MTX2: variants seen among roughly 807,000 people sequenced by gnomAD.
MTX2 encodes metaxin 2.
MTX2 carries 35 observed loss-of-function variants against 42.3 expected under a neutral mutation model. The observed-to-expected ratio is 0.83, with a 90% CI of 0.63 to 1.10. The LOEUF is 1.10. Ranked by LOEUF, MTX2 falls within the 50% of genes least tolerant of loss-of-function variation. The probability of loss-of-function intolerance (pLI) is 0.00; values close to 1 mark genes in which losing one functional copy is unlikely to be tolerated. For synonymous variants in MTX2, 119 were observed against 100.9 expected, an observed-to-expected ratio of 1.18 and a Z score of -1.08; for missense variants, 307 against 304.1, an observed-to-expected ratio of 1.01 and a Z score of -0.07.
intron 1 of MTX2, among the ~76,000 whole-genome samples, chr2:176,278,851 A>T (rs1693012031): frequency 6.6e-6 from 1 of 152,088 alleles, no homozygotes; most frequent in African/African-American, 2.4e-5. Flanking sequence ...AGTAAAAGGG[A>T]TGCATGCTTT....
chr2:176,328,738 C>T, intron 6 of MTX2, 136 bp from the exon 7 acceptor site: 1 of 686,006 alleles, frequency 1.5e-6, no homozygotes, highest in South Asian at 2.1e-5. Context: ...TTGTGGATAG[C>T]AGCTAAGAAA....
At chr2:176,306,519 C>T (rs567287850) in intron 3 of MTX2, among the ~76,000 whole-genome samples, 1 of 152,310 alleles carries the variant, frequency 6.6e-6, no homozygotes, top group African/African-American at 2.4e-5. Flanking sequence ...AATTTACACT[C>T]CCACCAACAG....
At chr2:176,312,045 G>C (rs988894126) in intron 3 of MTX2, among the ~76,000 whole-genome samples, 3 of 152,192 alleles carry the variant, frequency 2.0e-5, no homozygotes, top group Admixed American at 6.5e-5. Context: ...GTTGTGTGCA[G>C]ATCATTATTA....
At chr2:176,330,688 ATTTTCTGT>A (rs1445138174) in intron 9 of MTX2, 28 bp downstream of exon 9, 1 of 1,506,400 alleles carries the variant, frequency 6.6e-7, no homozygotes, top group Non-Finnish European at 9.2e-7. Flanking sequence ...TTTAAAGTTA[ATTTTCTGT>A]ACTGTTAGGT....
chr2:176,328,456 T>C (rs1558944358), intron 6 of MTX2, 71 bp downstream of exon 6: 42 of 987,334 alleles, frequency 4.3e-5, no homozygotes, highest in Non-Finnish European at 5.3e-5. Flanking sequence ...ATCTTTCTTA[T>C]GGGTTAAAGT....
intron 3 of MTX2, among the ~76,000 whole-genome samples, chr2:176,321,295 CTAT>C (rs1277076134): frequency 2.0e-5 from 3 of 152,112 alleles, no homozygotes; most frequent in Non-Finnish European, 4.4e-5. Flanking sequence ...AGGAAGCTCA[CTAT>C]TATTGCTATG....
At chr2:176,284,573 C>T (rs554631946) in intron 1 of MTX2, among the ~76,000 whole-genome samples, 1 of 152,250 alleles carries the variant, frequency 6.6e-6, no homozygotes, top group East Asian at 1.9e-4. Flanking sequence ...TATCATGTTA[C>T]CACTTTGATT....
chr2:176,297,394 C>T (rs953080593), intron 2 of MTX2, among the ~76,000 whole-genome samples: 1 of 152,178 alleles, frequency 6.6e-6, no homozygotes, highest in Non-Finnish European at 1.5e-5. Flanking sequence ...TAATAGGCAG[C>T]AGCCCTAGTC....
chr2:176,337,781 A>T lies in MTX2; in HGVS notation c.*117A>T, dbSNP rs1004039379. ...TTACTGCTTTTTGAAACCTCAAATT[A>T]TATAATGTATCTTATGTATGTGCTT... On this transcript the variant is annotated 3_prime_UTR_variant, in exon 10 of 10. Coordinates refer to ENST00000249442, the MANE Select transcript of MTX2 (RefSeq NM_006554.5). The T allele has an allele frequency of 5.8e-6, 5 of 869,550 alleles. No individual in the cohort carries two copies. The African/African-American group carries it at 8.6e-5, about 15-fold the overall frequency. The allele number at this position is 869,550 out of a possible 1,614,324, so 53.9% of individuals were successfully genotyped here.
intron 3 of MTX2, among the ~76,000 whole-genome samples, chr2:176,321,651 A>C (rs543538724): frequency 5.3e-5 from 8 of 152,224 alleles, no homozygotes; most frequent in African/African-American, 1.9e-4. Flanking sequence ...TCCTTTTTAC[A>C]TTCTAGTCAA....
At chr2:176,314,300 A>G (rs563784658) in intron 3 of MTX2, among the ~76,000 whole-genome samples, 1 of 152,102 alleles carries the variant, frequency 6.6e-6, no homozygotes, top group East Asian at 1.9e-4. Flanking sequence ...AGCTGGGTGT[A>G]GTAGTACACG....
At chr2:176,307,393 T>G (rs1427017771) in intron 3 of MTX2, among the ~76,000 whole-genome samples, 1 of 152,220 alleles carries the variant, frequency 6.6e-6, no homozygotes, top group Non-Finnish European at 1.5e-5. Flanking sequence ...CAATGCAGAC[T>G]CTTTTTTGGT....
At chr2:176,305,996 G>A (rs1361225917) in intron 3 of MTX2, among the ~76,000 whole-genome samples, 3 of 152,118 alleles carry the variant, frequency 2.0e-5, no homozygotes, top group Admixed American at 6.6e-5. Flanking sequence ...CATGTGCCAT[G>A]TTGGTTTGCT....
At chr2:176,269,719 G>A in intron 1 of MTX2, 50 bp downstream of exon 1, 1 of 1,558,374 alleles carries the variant, frequency 6.4e-7, no homozygotes, top group South Asian at 1.2e-5. Flanking sequence ...GTCTCGGGGA[G>A]CCGCGTGGGG....
rs530464274 is a variant in MTX2 at position 176,329,221 on chromosome 2, T to C, written c.418-80T>C. 8 of 1,451,022 alleles carry C rather than the reference T, an allele frequency of 5.5e-6. No homozygotes were observed. In the Admixed American group the frequency reaches 1.1e-4, roughly 20 times the overall value. The allele number at this position is 1,451,022 out of a possible 1,614,324, so 89.9% of individuals were successfully genotyped here. A position where few individuals can be genotyped will look rare whatever the true frequency, so the allele number is the denominator to read the frequency against. The stretch of plus-strand genomic sequence containing the variant: ...TCTATTTATGTTCTCTGAAAATATA[T>C]TTCTTTTAGAATTCTATTTGTAAAA... On this transcript the variant is annotated intron_variant, in intron 7 of 9. Coordinates refer to ENST00000249442, the MANE Select transcript of MTX2 (RefSeq NM_006554.5).
intron 1 of MTX2, among the ~76,000 whole-genome samples, chr2:176,294,526 C>T (rs191776217): frequency 2.0e-5 from 3 of 152,290 alleles, no homozygotes; most frequent in East Asian, 1.9e-4. Context: ...CCACCCGCCT[C>T]GGCCTCCCAA....
intron 1 of MTX2, among the ~76,000 whole-genome samples, chr2:176,289,019 T>C (rs528961008): frequency 4.6e-5 from 7 of 152,080 alleles, no homozygotes; most frequent in Non-Finnish European, 1.0e-4. Context: ...ACAAGTAATA[T>C]ATAAAGTCTT....
In MTX2 at chr2:176,325,849, A is replaced by G. The variant is rs1008634785; in HGVS notation, c.209-976A>G. 7.2e-5 allele frequency among the ~76,000 whole-genome samples: 11 copies of G among 151,866 alleles called. No homozygotes were observed. The East Asian group carries it at 1.9e-3, about 27-fold the overall frequency. Reference sequence around the variant, plus strand: ...AGGGAAATATCTTCTCAATACATCTATTGAGTTGTTGTGTTCCAAAAGGCC... The same window carrying G: ...AGGGAAATATCTTCTCAATACATCTGTTGAGTTGTTGTGTTCCAAAAGGCC... On this transcript the variant is annotated intron_variant, in intron 4 of 9. Coordinates refer to ENST00000249442, the MANE Select transcript of MTX2 (RefSeq NM_006554.5).
intron 3 of MTX2, among the ~76,000 whole-genome samples, chr2:176,320,695 C>CTTT (rs34174289): frequency 5.3e-4 from 70 of 131,886 alleles, no homozygotes; most frequent in African/African-American, 1.7e-3. Flanking sequence ...TTTACTTATT[C>CTTT]TTTTTTTTTT....
Sources: gnomAD v4.1 joint callset for allele counts (sites outside exome capture counted in the v4.1 genomes callset) on GRCh38, gnomAD v4.1.1 for gene constraint, MANE v1.5 for transcripts, NCBI Gene and HGNC (gene_info 2026-07-23, HGNC 2026-07-21) for gene names.